SPEF2: variants seen among roughly 807,000 people sequenced by gnomAD.
The protein encoded by SPEF2 is sperm flagella and cilia-associated protein 2.
Under a neutral mutation model 224.6 loss-of-function variants are expected in SPEF2, and 187 were observed. The observed-to-expected ratio is 0.83, with a 90% CI of 0.74 to 0.94. The LOEUF (loss-of-function observed/expected upper bound fraction) is 0.94. Ranked by LOEUF, SPEF2 falls within the 40% of genes least tolerant of loss-of-function variation. The pLI is 0.00. For synonymous variants in SPEF2, 715 were observed against 707.3 expected, an observed-to-expected ratio of 1.01 and a Z score of -0.17; for missense variants, 2,170 against 2,135.6, an observed-to-expected ratio of 1.02 and a Z score of -0.32.
chr5:35,655,802 G>T (rs1221947968), intron 7 of SPEF2, among the ~76,000 whole-genome samples: 1 of 152,204 alleles, frequency 6.6e-6, no homozygotes, highest in Non-Finnish European at 1.5e-5. Context: ...TACACAGAAA[G>T]AAATAGGAGA....
chr5:35,682,407 GTGT>G (rs1752959561), intron 10 of SPEF2, among the ~76,000 whole-genome samples: 1 of 152,204 alleles, frequency 6.6e-6, no homozygotes, highest in African/African-American at 2.4e-5. Context: ...AACAGTGTAA[GTGT>G]TGTATCCCCT....
At chr5:35,778,857 C>G (rs1753950429) in intron 29 of SPEF2, among the ~76,000 whole-genome samples, 1 of 152,048 alleles carries the variant, frequency 6.6e-6, no homozygotes, top group Non-Finnish European at 1.5e-5. Flanking sequence ...TTAATAGGTT[C>G]TCTTTAAGTT....
At chr5:35,809,990 A>G (rs1278225493) in intron 36 of SPEF2, among the ~76,000 whole-genome samples, 2 of 152,220 alleles carry the variant, frequency 1.3e-5, no homozygotes, top group Non-Finnish European at 2.9e-5. Context: ...TGATGCCACA[A>G]TTATTTCCTC....
At chr5:35,756,445 T>A (rs181067455) in intron 24 of SPEF2, among the ~76,000 whole-genome samples, 112 of 152,242 alleles carry the variant, frequency 7.4e-4, no homozygotes, top group Non-Finnish European at 1.0e-4. Flanking sequence ...ATCAACAGGA[T>A]CCTATAAAAA....
intron 21 of SPEF2, among the ~76,000 whole-genome samples, chr5:35,735,564 T>C (rs1746445812): frequency 6.6e-6 from 1 of 152,214 alleles, no homozygotes; most frequent in African/African-American, 2.4e-5. Flanking sequence ...GATTAGATAA[T>C]GTATCTGTAG....
chr5:35,742,722 C>A (rs1029631723), intron 23 of SPEF2, among the ~76,000 whole-genome samples: 1 of 151,838 alleles, frequency 6.6e-6, no homozygotes, highest in Non-Finnish European at 1.5e-5. Flanking sequence ...ATGCTCTGTT[C>A]CTTACTGACT....
intron 24 of SPEF2, among the ~76,000 whole-genome samples, chr5:35,758,851 T>A (rs1028261338): frequency 9.9e-5 from 15 of 151,342 alleles, no homozygotes; most frequent in African/African-American, 3.6e-4. Context: ...ACTAAATATA[T>A]AAATATTAGG....
intron 20 of SPEF2, among the ~76,000 whole-genome samples, chr5:35,720,080 A>G (rs1297927907): frequency 1.3e-5 from 2 of 152,336 alleles, no homozygotes; most frequent in South Asian, 2.1e-4. Flanking sequence ...ACTTTCTCCA[A>G]TTGTGTCCTG....
chr5:35,653,803 C>A (rs567278091), intron 6 of SPEF2, among the ~76,000 whole-genome samples: 25 of 150,918 alleles, frequency 1.7e-4, no homozygotes, highest in African/African-American at 6.1e-4. Flanking sequence ...AAAAATTAGC[C>A]GGGCGTGGTG....
At chr5:35,629,951 A>G (rs1744846256) in intron 2 of SPEF2, among the ~76,000 whole-genome samples, 1 of 152,170 alleles carries the variant, frequency 6.6e-6, no homozygotes, top group African/African-American at 2.4e-5. Context: ...CTATTTATCA[A>G]TTGATGGTTA....
chr5:35,802,722 T>C (rs1009368240), intron 34 of SPEF2, among the ~76,000 whole-genome samples: 16 of 152,116 alleles, frequency 1.1e-4, no homozygotes, highest in African/African-American at 9.7e-5. Flanking sequence ...CAGCCATAAC[T>C]GGTGTGCTCT....
Position 35,636,514 on chromosome 5 carries a change from C to T in SPEF2, c.162-4917C>T, listed in dbSNP as rs76077211. Among the ~76,000 whole-genome samples the T allele has an allele frequency of 1.3e-3, 192 of 152,236 alleles. 1 individual carries two copies. The highest frequency in any genetic ancestry group is 4.2e-3 in the African/African-American group (175 of 41,548). ...GTTTTTGGCCAGGCTCTTCTTTGCT[C>T]CAGCTGGTTTTACTGTCTCAGGTAA... On this transcript the variant is annotated intron_variant, in intron 2 of 36. Transcript: ENST00000356031.
At chr5:35,759,827 G>T (rs1182987453) in intron 25 of SPEF2, 108 bp downstream of exon 25, 6 of 1,151,202 alleles carry the variant, frequency 5.2e-6, no homozygotes, top group Middle Eastern at 2.5e-4. Context: ...GCAAATCTAA[G>T]ATCCAAAAAA....
Position 35,727,663 on chromosome 5 carries a change from T to C in SPEF2, c.2915-12T>C, listed in dbSNP as rs1744894955. ...TTACTTGTATTGGAATAATTTGATATGCATGTTTAAGGTTCTCCTAAAGGA... is the reference window on the plus strand; with the variant it reads ...TTACTTGTATTGGAATAATTTGATACGCATGTTTAAGGTTCTCCTAAAGGA... On this transcript the variant is annotated splice_polypyrimidine_tract_variant and intron_variant, in intron 20 of 36. Transcript: ENST00000356031. 2 of 1,609,378 alleles carry C rather than the reference T, an allele frequency of 1.2e-6. No individual in the cohort carries two copies. Among genetic ancestry groups the C allele is most frequent in the African/African-American group, 1.3e-5 (1 of 74,766 alleles).
intron 21 of SPEF2, among the ~76,000 whole-genome samples, chr5:35,732,229 C>T (rs1445433921): frequency 6.6e-6 from 1 of 152,074 alleles, no homozygotes; most frequent in Non-Finnish European, 1.5e-5. Flanking sequence ...TTGACAATTT[C>T]TTCATGAAAT....
chr5:35,758,550 T>C (rs947200993), intron 24 of SPEF2, among the ~76,000 whole-genome samples: 1 of 152,186 alleles, frequency 6.6e-6, no homozygotes, highest in South Asian at 2.1e-4. Context: ...GAATGACCGA[T>C]GCTCATCTTG....
At chr5:35,669,955 C>T in intron 9 of SPEF2, 104 bp from the exon 10 acceptor site, 1 of 865,600 alleles carries the variant, frequency 1.2e-6, no homozygotes, top group South Asian at 1.9e-5. Flanking sequence ...TTATTTCTGT[C>T]TGATGAAAGT....
At chr5:35,684,095 A>G (rs188964203) in intron 10 of SPEF2, 1 of 152,296 alleles carries the variant, frequency 6.6e-6, no homozygotes, top group Admixed American at 6.5e-5. Flanking sequence ...AATCATATCT[A>G]CATAGATAAT....
In SPEF2 at chr5:35,793,205, A is replaced by C. The variant is rs201499381; in HGVS notation, c.4601A>C (p.Asp1534Ala). The change falls in exon 32 of 37, where the codon GAC (aspartate) becomes GCC (alanine). Residue 1534 changes from aspartate (D) to alanine (A), a missense_variant. By Grantham distance (126) the Asp-to-Ala change is moderately radical. Coordinates refer to ENST00000356031, the MANE Select transcript of SPEF2 (RefSeq NM_024867.4). Reference sequence around the variant, plus strand: ...TTAACAGTCAACTCCGAGTTCGTGGACTGGCGGAAGTTCCTGTTAGTAACC... The same window carrying C: ...TTAACAGTCAACTCCGAGTTCGTGGCCTGGCGGAAGTTCCTGTTAGTAACC... ...SLLTVNSEFV[D>A]WRKFLLVTSM... 6.2e-7 allele frequency: 1 copy of C among 1,614,170 alleles called. No individual in the cohort carries two copies. The highest frequency in any genetic ancestry group is 8.5e-7 in the Non-Finnish European group (1 of 1,180,014).
Sources: allele counts gnomAD v4.1 joint callset (sites outside exome capture counted in the v4.1 genomes callset), GRCh38; gene constraint gnomAD v4.1.1; transcripts MANE v1.5; gene names NCBI Gene and HGNC (gene_info 2026-07-23, HGNC 2026-07-21).